FAT3: variants seen among roughly 807,000 people sequenced by gnomAD.
FAT3 encodes the protein FAT atypical cadherin 3.
A neutral mutation model predicts 310.2 loss-of-function variants in FAT3; 95 were observed. That is an observed-to-expected ratio of 0.31 (90% CI 0.26 to 0.36). FAT3 has a LOEUF of 0.36. FAT3 is among the 10% of genes least tolerant of loss of function. The pLI, the probability that FAT3 is intolerant of heterozygous loss-of-function variation, is 1.00. For synonymous variants in FAT3, 2,314 were observed against 2,192.9 expected, an observed-to-expected ratio of 1.06 and a Z score of -1.54; for missense variants, 5,408 against 5,715.6, an observed-to-expected ratio of 0.95 and a Z score of 1.74.
At chr11:92,479,197 G>A (rs1486157112) in intron 2 of FAT3, among the ~76,000 whole-genome samples, 5 of 145,994 alleles carry the variant, frequency 3.4e-5, no homozygotes, top group South Asian at 4.4e-4. Context: ...TTTTTGTAGC[G>A]ACAGGATTTT....
At chr11:92,850,936 C>T (rs1207092955) in intron 19 of FAT3, among the ~76,000 whole-genome samples, 1 of 152,156 alleles carries the variant, frequency 6.6e-6, no homozygotes, top group Non-Finnish European at 1.5e-5. Context: ...GTCACCTCTA[C>T]AGAAAGTGAC....
chr11:92,336,132 G>A, intron 1 of FAT3: 1 of 535,164 alleles, frequency 1.9e-6, no homozygotes, highest in Non-Finnish European at 3.8e-6. Flanking sequence ...AAGCATCTCA[G>A]CTCTGCAGTG....
At chr11:92,422,610 C>G (rs1001732550) in intron 2 of FAT3, among the ~76,000 whole-genome samples, 1 of 152,016 alleles carries the variant, frequency 6.6e-6, no homozygotes, top group Non-Finnish European at 1.5e-5. Flanking sequence ...AGTGCTTGAC[C>G]AGAGGCTGAG....
intron 1 of FAT3, among the ~76,000 whole-genome samples, chr11:92,291,561 A>G (rs1946696255): frequency 6.6e-6 from 1 of 152,072 alleles, no homozygotes; most frequent in Non-Finnish European, 1.5e-5. Flanking sequence ...TTACAGATAT[A>G]TAGTGTGTGC....
intron 3 of FAT3, among the ~76,000 whole-genome samples, chr11:92,536,575 T>A (rs1248179729): frequency 6.6e-6 from 1 of 152,212 alleles, no homozygotes; most frequent in Non-Finnish European, 1.5e-5. Context: ...GCATGTAGTA[T>A]ACTCTCAGTA....
rs1474702488 is a variant in FAT3, at chr11:92,866,807, G to A, written c.11725G>A (p.Gly3909Ser). ...GSGPGILGIS[G>S]RAVNDGSWHS... The stretch of plus-strand genomic sequence containing the variant: ...CGGCCCTGGAATCTTGGGCATCTCG[G>A]GCCGTGCTGTCAACGACGGGAGCTG... The change falls in exon 22 of 28, where the codon GGC (glycine) becomes AGC (serine). Residue 3909 changes from glycine (G) to serine (S), a missense_variant. Transcript: ENST00000525166. 1 of 1,613,926 alleles carries A rather than the reference G, an allele frequency of 6.2e-7. No individual in the cohort carries two copies. Among genetic ancestry groups the A allele is most frequent in the Non-Finnish European group, 8.5e-7 (1 of 1,179,868 alleles).
At chr11:92,830,191 A>T in intron 13 of FAT3, among the ~76,000 whole-genome samples, 1 of 152,220 alleles carries the variant, frequency 6.6e-6, no homozygotes, top group East Asian at 1.9e-4. Flanking sequence ...TATAAATCCT[A>T]ACAAACAACT....
intron 4 of FAT3, among the ~76,000 whole-genome samples, chr11:92,707,604 A>C (rs1944393024): frequency 6.6e-6 from 1 of 152,118 alleles, no homozygotes; most frequent in Non-Finnish European, 1.5e-5. Context: ...CCTGACTGTG[A>C]ATCCCCCATC....
chr11:92,504,615 A>G (rs1953045571), intron 2 of FAT3, among the ~76,000 whole-genome samples: 1 of 152,108 alleles, frequency 6.6e-6, no homozygotes. Flanking sequence ...TTTCCTTGTT[A>G]TAATTTCTCT....
intron 1 of FAT3, among the ~76,000 whole-genome samples, chr11:92,236,196 C>G (rs1196496532): frequency 6.6e-6 from 1 of 152,150 alleles, no homozygotes; most frequent in Admixed American, 6.5e-5. Flanking sequence ...TTCTGAGGCC[C>G]AGATGCCCAC....
rs148853367 is a variant in FAT3, at chr11:92,864,764, C to T, written c.11659-1977C>T. Reference sequence around the variant, plus strand: ...CCAGGGAGTTGGATGTTGCAGTGAGCCGAGATCATGCCACTGCACTCCAGC... The same window carrying T: ...CCAGGGAGTTGGATGTTGCAGTGAGTCGAGATCATGCCACTGCACTCCAGC... On this transcript the variant is annotated intron_variant, in intron 21 of 27. Coordinates refer to ENST00000525166, the MANE Select transcript of FAT3 (RefSeq NM_001367949.2). Among the ~76,000 whole-genome samples, 814 of 152,146 alleles carry T rather than the reference C, an allele frequency of 5.4e-3. 8 individuals are homozygous for T. Among genetic ancestry groups the T allele is most frequent in the African/African-American group, 0.019 (771 of 41,502 alleles).
At chr11:92,641,951 T>A (rs992258500) in intron 3 of FAT3, among the ~76,000 whole-genome samples, 1 of 152,222 alleles carries the variant, frequency 6.6e-6, no homozygotes, top group Non-Finnish European at 1.5e-5. Context: ...CTCTGCAACA[T>A]GAGGTTGAAG....
At chr11:92,745,980 T>C (rs1281694712) in intron 4 of FAT3, among the ~76,000 whole-genome samples, 1 of 152,200 alleles carries the variant, frequency 6.6e-6, no homozygotes, top group African/African-American at 2.4e-5. Flanking sequence ...ATGCAATGTC[T>C]TTGGACAAAG....
intron 4 of FAT3, among the ~76,000 whole-genome samples, chr11:92,712,781 C>T (rs534898622): frequency 3.3e-5 from 5 of 152,260 alleles, no homozygotes; most frequent in South Asian, 2.1e-4. Flanking sequence ...AGGGCAGTTC[C>T]GAAACTGTAG....
intron 1 of FAT3, among the ~76,000 whole-genome samples, chr11:92,266,608 A>G (rs1945960647): frequency 1.3e-5 from 2 of 152,136 alleles, no homozygotes; most frequent in Admixed American, 1.3e-4. Context: ...TTTCCACTCT[A>G]ACAGCCTCAG....
intron 3 of FAT3, among the ~76,000 whole-genome samples, chr11:92,577,605 A>G (rs1355471873): frequency 1.3e-5 from 2 of 152,124 alleles, no homozygotes; most frequent in Admixed American, 6.6e-5. Context: ...ATTTTCAAAT[A>G]TACAATATAT....
At chr11:92,684,996 C>T (rs924948144) in intron 3 of FAT3, among the ~76,000 whole-genome samples, 8 of 152,156 alleles carry the variant, frequency 5.3e-5, no homozygotes, top group Non-Finnish European at 1.0e-4. Context: ...TCCTACAGGG[C>T]GCTTTGTCTT....
At chr11:92,227,040 A>G (rs1863944288) in intron 1 of FAT3, among the ~76,000 whole-genome samples, 1 of 152,042 alleles carries the variant, frequency 6.6e-6, no homozygotes, top group Admixed American at 6.5e-5. Context: ...GAGGGCGCCC[A>G]GGGGGAGGGG....
intron 3 of FAT3, among the ~76,000 whole-genome samples, chr11:92,531,637 G>C (rs1954076660): frequency 6.6e-6 from 1 of 152,096 alleles, no homozygotes; most frequent in African/African-American, 2.4e-5. Flanking sequence ...AACCCACTGA[G>C]AACAGGTAGC....
Sources: allele counts gnomAD v4.1 joint callset (sites outside exome capture counted in the v4.1 genomes callset), GRCh38; gene constraint gnomAD v4.1.1; transcripts MANE v1.5; gene names NCBI Gene and HGNC (gene_info 2026-07-23, HGNC 2026-07-21).